Variants in ARAP2 observed in about 807,000 individuals in gnomAD.
ARAP2 encodes arf-GAP with Rho-GAP domain, ANK repeat and PH domain-containing protein 2.
Under a neutral mutation model 194.5 loss-of-function variants are expected in ARAP2, and 148 were observed. The ratio of observed to expected loss-of-function variants is 0.76; its 90% CI spans 0.67 to 0.87. The LOEUF (loss-of-function observed/expected upper bound fraction) is 0.87. ARAP2 is among the 40% of genes least tolerant of loss of function. ARAP2 has a pLI of 0.00. For missense variants in ARAP2, 2,128 were observed against 1,989.7 expected (o/e 1.07, Z -1.32); for synonymous variants, 695 against 683.5 (o/e 1.02, Z -0.26).
At chr4:36,044,719 G>T (rs982091764) in intron 5 of ARAP2, among the ~76,000 whole-genome samples, 2 of 152,008 alleles carry the variant, frequency 1.3e-5, no homozygotes, top group Non-Finnish European at 1.5e-5. Flanking sequence ...AACTAAAAAG[G>T]TTTTGTATAG....
rs17456061 is a variant in ARAP2, at chr4:36,100,471, C to T, written c.4285+7094G>A. On this transcript the variant is annotated intron_variant, in intron 27 of 32. Transcript: ENST00000303965. ...GATGAAGGGCACAAATGGGCAGTTT[C>T]CATGAGAAGCAACTCCCTTGAAATT... 2.7e-3 allele frequency among the ~76,000 whole-genome samples: 403 copies of T among 151,838 alleles called. 2 individuals are homozygous for T. The highest frequency in any genetic ancestry group is 1.4e-3 in the Admixed American group (21 of 15,250).
At chr4:36,165,689 G>A (rs1426901093) in intron 10 of ARAP2, among the ~76,000 whole-genome samples, 1 of 151,944 alleles carries the variant, frequency 6.6e-6, no homozygotes, top group East Asian at 1.9e-4. Context: ...GCCACGTTCT[G>A]ATTTATTCTG....
At chr4:36,042,134 C>T (rs1720971031) in intron 5 of ARAP2, among the ~76,000 whole-genome samples, 1 of 151,984 alleles carries the variant, frequency 6.6e-6, no homozygotes. Context: ...ACACGTTTAC[C>T]TATGTAACAA....
intron 27 of ARAP2, among the ~76,000 whole-genome samples, chr4:36,106,247 C>T (rs1718387887): frequency 6.6e-6 from 1 of 151,838 alleles, no homozygotes; most frequent in Non-Finnish European, 1.5e-5. Flanking sequence ...ACAGAGAAAT[C>T]CTATTGCAAA....
At chr4:36,073,952 T>A in intron 31 of ARAP2, 129 bp from the exon 32 acceptor site, 1 of 1,203,158 alleles carries the variant, frequency 8.3e-7, no homozygotes, top group Non-Finnish European at 1.2e-6. Context: ...ATTCCATTTG[T>A]GATTATGATG....
At chr4:36,170,077 C>G (rs1476039684) in intron 9 of ARAP2, among the ~76,000 whole-genome samples, 1 of 152,168 alleles carries the variant, frequency 6.6e-6, no homozygotes, top group Non-Finnish European at 1.5e-5. Context: ...TAGATACTCA[C>G]AAAAATTACC....
At chr4:36,153,167 A>C (rs1731409981) in intron 15 of ARAP2, among the ~76,000 whole-genome samples, 1 of 152,192 alleles carries the variant, frequency 6.6e-6, no homozygotes, top group Non-Finnish European at 1.5e-5. Context: ...CATTTCTGTA[A>C]CCATTTCTTA....
chr4:36,034,508 T>C (rs1425464304), intron 5 of ARAP2, among the ~76,000 whole-genome samples: 1 of 152,212 alleles, frequency 6.6e-6, no homozygotes, highest in Non-Finnish European at 1.5e-5. Context: ...CCTGAAACTT[T>C]ACTGAAGTTG....
chr4:36,050,724 G>C (rs1722526033), intron 3 of ARAP2, among the ~76,000 whole-genome samples: 1 of 152,132 alleles, frequency 6.6e-6, no homozygotes, highest in Non-Finnish European at 1.5e-5. Flanking sequence ...TTGAAATATA[G>C]GTACTTTCAT....
chr4:36,176,325 T>G (rs574290877), intron 9 of ARAP2, among the ~76,000 whole-genome samples: 1 of 152,328 alleles, frequency 6.6e-6, no homozygotes, highest in South Asian at 2.1e-4. Context: ...ACAGTATTCA[T>G]TATGCTTTTC....
At chr4:36,074,651 T>C (rs996996499) in intron 31 of ARAP2, among the ~76,000 whole-genome samples, 2 of 152,044 alleles carry the variant, frequency 1.3e-5, no homozygotes, top group African/African-American at 4.8e-5. Flanking sequence ...ATACCGAGTA[T>C]AAAATGAAAA....
intron 6 of ARAP2, among the ~76,000 whole-genome samples, chr4:36,195,171 A>AC (rs1379802246): frequency 6.6e-6 from 1 of 151,228 alleles, no homozygotes; most frequent in East Asian, 1.9e-4. Flanking sequence ...CCATCTCAAA[A>AC]AAATTACTTT....
chr4:36,054,685 C>A (rs915822448), intron 2 of ARAP2, among the ~76,000 whole-genome samples: 1 of 152,036 alleles, frequency 6.6e-6, no homozygotes, highest in Non-Finnish European at 1.5e-5. Flanking sequence ...GCAAAATAAA[C>A]AAATGAATAC....
intron 5 of ARAP2, among the ~76,000 whole-genome samples, chr4:36,040,781 A>G (rs1478286806): frequency 6.6e-6 from 1 of 152,190 alleles, no homozygotes; most frequent in African/African-American, 2.4e-5. Flanking sequence ...TGTCGTCTGC[A>G]AACAGAAATA....
rs1391079484 is a variant in ARAP2 at position 36,033,792 on chromosome 4, A to G, written n.607+12187T>C. The stretch of plus-strand genomic sequence containing the variant: ...TCTTATAGTTTGGGGTTTTACATTT[A>G]AGCCTTTTATCCATCTTGAGTTGAT... On this transcript the variant is annotated intron_variant and non_coding_transcript_variant, in intron 5 of 12. Coordinates refer to the ARAP2 transcript ENST00000503225. Among the ~76,000 whole-genome samples, 5 of 152,104 alleles carry G rather than the reference A, an allele frequency of 3.3e-5. No individual in the cohort carries two copies. In the East Asian group the frequency reaches 7.7e-4, roughly 23 times the overall value.
At chr4:36,141,620 C>G (rs552181018) in intron 19 of ARAP2, among the ~76,000 whole-genome samples, 1 of 151,600 alleles carries the variant, frequency 6.6e-6, no homozygotes, top group East Asian at 1.9e-4. Context: ...TCCTCTTTGC[C>G]TTTAAGAAAC....
intron 28 of ARAP2, among the ~76,000 whole-genome samples, chr4:36,090,410 C>T (rs1213982693): frequency 6.6e-6 from 1 of 152,050 alleles, no homozygotes; most frequent in Non-Finnish European, 1.5e-5. Flanking sequence ...TCTATGAAGT[C>T]AGCATCATCC....
At chr4:36,176,234 A>G (rs1737881771) in intron 9 of ARAP2, among the ~76,000 whole-genome samples, 1 of 31,018 alleles carries the variant, frequency 3.2e-5, no homozygotes, top group Non-Finnish European at 7.6e-5. Flanking sequence ...CCTCATCTAC[A>G]AAACATAGAC....
chr4:36,095,191 G>A (rs1020029729), intron 27 of ARAP2, among the ~76,000 whole-genome samples: 1 of 152,170 alleles, frequency 6.6e-6, no homozygotes, highest in Non-Finnish European at 1.5e-5. Flanking sequence ...GGTGGAAGAA[G>A]AGGAGGCAGA....
Sources: allele counts gnomAD v4.1 joint callset (sites outside exome capture counted in the v4.1 genomes callset), GRCh38; gene constraint gnomAD v4.1.1; transcripts MANE v1.5; gene names NCBI Gene and HGNC (gene_info 2026-07-23, HGNC 2026-07-21).